CDX1: variants seen among roughly 807,000 people sequenced by gnomAD.
CDX1 encodes the protein caudal type homeobox 1, also known as homeobox protein CDX-1.
A neutral mutation model predicts 16.9 loss-of-function variants in CDX1; 9 were observed. The ratio of observed to expected loss-of-function variants is 0.53; its 90% confidence interval spans 0.32 to 0.93. The LOEUF (loss-of-function observed/expected upper bound fraction) is 0.93. CDX1 is among the 40% of genes least tolerant of loss of function. CDX1 has a pLI of 0.04. For synonymous variants in CDX1, 179 were observed against 179.0 expected, an observed-to-expected ratio of 1.00 and a Z score of 0.00; for missense variants, 393 against 386.1, an observed-to-expected ratio of 1.02 and a Z score of -0.15.
At chr5:150,174,514 G>A (rs2113950660) in intron 1 of CDX1, among the ~76,000 whole-genome samples, 1 of 152,366 alleles carries the variant, frequency 6.6e-6, no homozygotes, top group South Asian at 2.1e-4. Context: ...TGATCTAGCA[G>A]CGTTTGTCCA....
rs142959353 is a variant in CDX1, at chr5:150,170,047, A to C, written c.445+2726A>C. On this transcript the variant is annotated intron_variant, in intron 1 of 2. Transcript: ENST00000231656. ...GCATTTGCACCTGCCTGCCTCCCTG[A>C]CCTCATCCCCGGCTGCTCTCACCTT... Among the ~76,000 whole-genome samples, 692 of 152,248 alleles carry C rather than the reference A, an allele frequency of 4.5e-3. 8 individuals are homozygous for C. The highest frequency in any genetic ancestry group is 0.016 in the African/African-American group (666 of 41,542).
chr5:150,171,125 A>C (rs189056452), intron 1 of CDX1, among the ~76,000 whole-genome samples: 22 of 152,212 alleles, frequency 1.4e-4, no homozygotes, highest in African/African-American at 3.9e-4. Flanking sequence ...CCCATGAAGG[A>C]TATGAATCCT....
At chr5:150,176,584 G>A (rs957945618) in intron 1 of CDX1, among the ~76,000 whole-genome samples, 1 of 152,200 alleles carries the variant, frequency 6.6e-6, no homozygotes, top group Middle Eastern at 3.2e-3. Context: ...GGCAGGGGGG[G>A]CCAGGAGGTC....
intron 2 of CDX1, 79 bp from the exon 3 acceptor site, chr5:150,183,395 G>C (rs964215900): frequency 2.3e-6 from 3 of 1,303,680 alleles, no homozygotes; most frequent in Non-Finnish European, 3.1e-6. Flanking sequence ...GGGGCTCACT[G>C]TCCTCGTCTC....
chr5:150,182,681 G>T, intron 1 of CDX1, 87 bp from the exon 2 acceptor site: 3 of 1,345,072 alleles, frequency 2.2e-6, no homozygotes, highest in Non-Finnish European at 3.0e-6. Flanking sequence ...AGCCTGGATT[G>T]TCTTCCTCCT....
chr5:150,182,797 G>A lies in CDX1; in HGVS notation c.475G>A (p.Val159Met), dbSNP rs548360415. ...GACTCGGACCAAGGACAAGTACCGC[G>A]TGGTCTACACCGACCACCAACGCCT... Reference protein sequence around the residue: ...GKTRTKDKYRVVYTDHQRLEL... With the variant: ...GKTRTKDKYRMVYTDHQRLEL... Residue 159 changes from valine (V) to methionine (M), a missense_variant, in exon 2 of 3, where the codon GTG becomes ATG. By Grantham distance (21) the Val-to-Met change is conservative. Coordinates refer to ENST00000231656, the MANE Select transcript of CDX1 (RefSeq NM_001804.3). 4.6e-5 allele frequency: 74 copies of A among 1,604,754 alleles called. No individual in the cohort carries two copies. The highest frequency in any genetic ancestry group is 6.0e-5 in the Non-Finnish European group (71 of 1,176,006).
intron 1 of CDX1, among the ~76,000 whole-genome samples, chr5:150,176,232 A>G (rs962103584): frequency 6.6e-6 from 1 of 152,238 alleles, no homozygotes; most frequent in Non-Finnish European, 1.5e-5. Flanking sequence ...GGGTGAGATC[A>G]GTCCTCCTGA....
chr5:150,179,656 C>T (rs1021337733), intron 1 of CDX1, among the ~76,000 whole-genome samples: 4 of 152,188 alleles, frequency 2.6e-5, no homozygotes, highest in Non-Finnish European at 5.9e-5. Context: ...CATCCCTAGG[C>T]GAAGGTCTGG....
chr5:150,176,847 AT>A (rs1761575082), intron 1 of CDX1, among the ~76,000 whole-genome samples: 1 of 152,172 alleles, frequency 6.6e-6, no homozygotes, highest in African/African-American at 2.4e-5. Flanking sequence ...GGGAATCTGC[AT>A]TTTCAGCAAG....
chr5:150,170,149 A>G (rs936316243), intron 1 of CDX1, among the ~76,000 whole-genome samples: 1 of 152,148 alleles, frequency 6.6e-6, no homozygotes, highest in African/African-American at 2.4e-5. Flanking sequence ...TCTTGTGCAC[A>G]TGCTGTTCTC....
chr5:150,171,400 A>G lies in CDX1; in HGVS notation c.445+4079A>G, dbSNP rs1761503745. Among the ~76,000 whole-genome samples, 3 of 152,176 alleles carry G rather than the reference A, an allele frequency of 2.0e-5. No homozygotes were observed. The South Asian group carries it at 6.2e-4, about 32-fold the overall frequency. Reference sequence around the variant, plus strand: ...ACCCACGCTGGAGTACAGTGGTGCGATCTCGGCTCACTGCAAGCTCCGCCT... The same window carrying G: ...ACCCACGCTGGAGTACAGTGGTGCGGTCTCGGCTCACTGCAAGCTCCGCCT... On this transcript the variant is annotated intron_variant, in intron 1 of 2. Coordinates refer to ENST00000231656, the MANE Select transcript of CDX1 (RefSeq NM_001804.3).
At chr5:150,171,755 C>T (rs1191879916) in intron 1 of CDX1, among the ~76,000 whole-genome samples, 1 of 152,244 alleles carries the variant, frequency 6.6e-6, no homozygotes, top group Non-Finnish European at 1.5e-5. Flanking sequence ...CTAGATAAGG[C>T]AAGTTAAGAG....
intron 1 of CDX1, among the ~76,000 whole-genome samples, chr5:150,170,204 C>A (rs141034278): frequency 4.6e-5 from 7 of 152,314 alleles, no homozygotes; most frequent in African/African-American, 1.2e-4. Flanking sequence ...AAGAGTGGAA[C>A]CTTCTTACCC....
At position 150,184,499 on chromosome 5, in the gene CDX1, A is replaced by G. The variant is rs1752525488; in HGVS notation, c.*819A>G. 6.6e-6 allele frequency: 1 copy of G among 152,250 alleles called. No homozygotes were observed. The highest frequency in any genetic ancestry group is 1.5e-5 in the Non-Finnish European group (1 of 68,038). 9.4% of individuals were successfully genotyped at this position (152,250 alleles called of 1,614,324 possible). On this transcript the variant is annotated 3_prime_UTR_variant, in exon 3 of 3. Transcript: ENST00000231656. Reference sequence around the variant, plus strand: ...AGAATAAATTTTTCTTCTCTTTTCAAAAATGTATAAAAATCATTATACATA... The same window carrying G: ...AGAATAAATTTTTCTTCTCTTTTCAGAAATGTATAAAAATCATTATACATA...
chr5:150,183,446 A>G, intron 2 of CDX1, 28 bp from the exon 3 acceptor site: 1 of 1,559,914 alleles, frequency 6.4e-7, no homozygotes, highest in Admixed American at 1.8e-5. Flanking sequence ...CCTGCTGCCC[A>G]CTCCATCTCT....
intron 1 of CDX1, among the ~76,000 whole-genome samples, chr5:150,176,264 C>A (rs923051480): frequency 6.6e-6 from 1 of 152,224 alleles, no homozygotes; most frequent in African/African-American, 2.4e-5. Flanking sequence ...CCACCCTTTC[C>A]TTTGCCTATT....
intron 1 of CDX1, among the ~76,000 whole-genome samples, chr5:150,172,162 A>T (rs1416031922): frequency 2.0e-5 from 3 of 152,170 alleles, no homozygotes; most frequent in Non-Finnish European, 2.9e-5. Context: ...GCACTGTATC[A>T]GGCCCTTGTT....
intron 1 of CDX1, among the ~76,000 whole-genome samples, chr5:150,178,984 C>T (rs571283693): frequency 3.2e-4 from 49 of 152,072 alleles, no homozygotes; most frequent in Non-Finnish European, 1.2e-4. Flanking sequence ...TGCTTGTACA[C>T]GTGTACATTG....
At chr5:150,176,423 C>T (rs928859444) in intron 1 of CDX1, among the ~76,000 whole-genome samples, 18 of 152,196 alleles carry the variant, frequency 1.2e-4, no homozygotes, top group African/African-American at 3.6e-4. Flanking sequence ...CTATGCCCTT[C>T]GTTTGTCATT....
Sources: allele counts gnomAD v4.1 joint callset (sites outside exome capture counted in the v4.1 genomes callset), GRCh38; gene constraint gnomAD v4.1.1; transcripts MANE v1.5; gene names NCBI Gene and HGNC (gene_info 2026-07-23, HGNC 2026-07-21).